The following GPHN variants were observed in gnomAD, a reference collection of about 807,000 sequenced individuals.
GPHN encodes gephyrin.
In GPHN, 17 loss-of-function variants were observed where a neutral mutation model predicts 95.5. That is an observed-to-expected ratio of 0.18 (90% CI 0.12 to 0.27). GPHN has a LOEUF of 0.27. Among genes scored for constraint, GPHN ranks in the 10% least tolerant of loss-of-function variants. The pLI, the probability that GPHN is intolerant of heterozygous loss-of-function variation, is 1.00. For missense variants in GPHN, 660 were observed against 978.1 expected, an observed-to-expected ratio of 0.67 and a Z score of 4.34; for synonymous variants, 320 against 322.5, an observed-to-expected ratio of 0.99 and a Z score of 0.08.
the GPHN span, chr14:67,316,986 T>G: frequency 9.5e-7 from 1 of 1,054,956 alleles, no homozygotes; most frequent in Non-Finnish European, 1.4e-6. Context: ...ATTAGAACCG[T>G]GAAGAAGTAC....
At chr14:67,595,030 G>A in the GPHN span, among the ~76,000 whole-genome samples, 29 of 151,946 alleles carry the variant, frequency 1.9e-4, no homozygotes, top group East Asian at 3.1e-3. Flanking sequence ...CCAGCTACTC[G>A]GGAGGCTGAG....
At chr14:67,369,230 T>C in the GPHN span, among the ~76,000 whole-genome samples, 1 of 152,180 alleles carries the variant, frequency 6.6e-6, no homozygotes, top group African/African-American at 2.4e-5. Flanking sequence ...TCTATTAATA[T>C]TAGATAAAGT....
the GPHN span, among the ~76,000 whole-genome samples, chr14:67,440,514 A>T: frequency 1.3e-5 from 2 of 152,100 alleles, no homozygotes; most frequent in Middle Eastern, 3.4e-3. Flanking sequence ...TAATCCCGGC[A>T]CCCGAGGTGG....
At chr14:67,678,067 T>C in the GPHN span, 2 of 377,768 alleles carry the variant, frequency 5.3e-6, no homozygotes, top group East Asian at 5.3e-5. Flanking sequence ...GCAGGTCATA[T>C]GAGGGTCTTC....
chr14:67,232,811 C>A, the GPHN span, among the ~76,000 whole-genome samples: 2 of 152,180 alleles, frequency 1.3e-5, no homozygotes, highest in African/African-American at 4.8e-5. Flanking sequence ...GTGCCCTGAG[C>A]TGAGATAACA....
intron 17 of GPHN, among the ~76,000 whole-genome samples, chr14:67,142,536 G>A (rs887532287): frequency 6.6e-6 from 1 of 152,110 alleles, no homozygotes; most frequent in Non-Finnish European, 1.5e-5. Flanking sequence ...TCAGGAACCT[G>A]CCTAGCTTCC....
At chr14:66,800,732 C>A (rs2060318713) in intron 3 of GPHN, among the ~76,000 whole-genome samples, 1 of 152,080 alleles carries the variant, frequency 6.6e-6, no homozygotes, top group East Asian at 1.9e-4. Flanking sequence ...CTATTGATAT[C>A]TTTCTCTAGG....
chr14:66,744,739 T>A (rs1320170240), intron 2 of GPHN, among the ~76,000 whole-genome samples: 4 of 152,158 alleles, frequency 2.6e-5, no homozygotes, highest in East Asian at 1.9e-4. Flanking sequence ...TACAAAAAAA[T>A]TCTGGCTCTC....
intron 2 of GPHN, among the ~76,000 whole-genome samples, chr14:66,718,424 T>TA (rs1456824180): frequency 1.2e-4 from 18 of 152,164 alleles, no homozygotes; most frequent in Admixed American, 1.1e-3. Flanking sequence ...TAATGAGTGT[T>TA]ACAGCTCATA....
At chr14:67,582,221 G>A in the GPHN span, 4 of 1,613,492 alleles carry the variant, frequency 2.5e-6, no homozygotes, top group Non-Finnish European at 3.4e-6. This position sits in a 1 kb window ranked among gnomAD's most constrained non-coding sequence, Gnocchi z 5.0. Context: ...GTAAGGTTCT[G>A]TTCAGGAAGC....
At chr14:66,849,902 G>C (rs1164367925) in intron 4 of GPHN, among the ~76,000 whole-genome samples, 1 of 151,992 alleles carries the variant, frequency 6.6e-6, no homozygotes, top group Non-Finnish European at 1.5e-5. Flanking sequence ...TAACATACCA[G>C]TACTCAATTA....
At chr14:66,648,953 G>T (rs10133120) in intron 1 of GPHN, among the ~76,000 whole-genome samples, 38,343 of 152,086 alleles carry the variant, frequency 0.25, 9,742 homozygotes, top group African/African-American at 0.62. Context: ...GAGATTGAGG[G>T]ATAACTGTTC....
the GPHN span, chr14:67,714,396 C>T: frequency 6.6e-6 from 1 of 152,194 alleles, no homozygotes; most frequent in Non-Finnish European, 1.5e-5. Flanking sequence ...CTTGGCCTCC[C>T]AAAATGCTGG....
intron 12 of GPHN, 40 bp downstream of exon 12, chr14:67,089,115 ATTTTTTTTTCTTTTTTTCTTTT>A (rs1339828288): frequency 3.0e-5 from 11 of 363,262 alleles, no homozygotes; most frequent in African/African-American, 1.7e-4. Context: ...CAGGCACTGT[ATTTTTTTTTCTTTTTTTCTTTT>A]TTTTTTTTTT....
chr14:67,347,868 G>A, the GPHN span, among the ~76,000 whole-genome samples: 1 of 151,500 alleles, frequency 6.6e-6, no homozygotes, highest in Non-Finnish European at 1.5e-5. Context: ...AAGAGCTTAA[G>A]TATGGAATTG....
chr14:67,400,336 C>T, the GPHN span, among the ~76,000 whole-genome samples: 1 of 152,224 alleles, frequency 6.6e-6, no homozygotes, highest in African/African-American at 2.4e-5. Context: ...CACATTTTTG[C>T]TCTCTTCACT....
intron 2 of GPHN, among the ~76,000 whole-genome samples, chr14:66,729,112 A>G (rs1333378952): frequency 6.6e-6 from 1 of 152,134 alleles, no homozygotes; most frequent in Non-Finnish European, 1.5e-5. Context: ...ATCCACATAT[A>G]AAACATGGCT....
the GPHN span, chr14:67,347,383 A>T: frequency 6.4e-7 from 1 of 1,564,416 alleles, no homozygotes; most frequent in South Asian, 1.1e-5. Context: ...AGAGACACAA[A>T]GTAATACAAA....
At chr14:67,600,383 GGC>G in the GPHN span, 1 of 554,352 alleles carries the variant, frequency 1.8e-6, no homozygotes, top group Non-Finnish European at 3.1e-6. Context: ...CGTTCTTCCG[GGC>G]CGGCCTTGAC....
Sources: gnomAD v4.1 joint callset for allele counts (sites outside exome capture counted in the v4.1 genomes callset) on GRCh38, gnomAD v4.1.1 for gene constraint, Gnocchi (gnomAD v3.1) non-coding constraint, MANE v1.5 for transcripts, NCBI Gene and HGNC (gene_info 2026-07-23, HGNC 2026-07-21) for gene names.